The following RPH3AL variants were observed in gnomAD, a reference collection of about 807,000 sequenced individuals.
RPH3AL encodes rab effector Noc2.
A neutral mutation model predicts 43.1 loss-of-function variants in RPH3AL; 38 were observed. The observed-to-expected ratio is 0.88, with a 90% CI of 0.68 to 1.15. The LOEUF is 1.15. RPH3AL is among the 50% of genes most tolerant of loss of function. RPH3AL has a pLI of 0.00. For synonymous variants in RPH3AL, 189 were observed against 176.3 expected, an observed-to-expected ratio of 1.07 and a Z score of -0.57; for missense variants, 462 against 423.2, an observed-to-expected ratio of 1.09 and a Z score of -0.81.
intron 5 of RPH3AL, among the ~76,000 whole-genome samples, chr17:307,378 C>T (rs565710824): frequency 4.4e-4 from 67 of 150,568 alleles, no homozygotes; most frequent in Non-Finnish European, 8.3e-4. Context: ...AGGTCCATCC[C>T]ACGGCAGGTC....
At chr17:232,835 T>C (rs1238137770) in intron 7 of RPH3AL, among the ~76,000 whole-genome samples, 2 of 10,576 alleles carry the variant, frequency 1.9e-4, no homozygotes, top group African/African-American at 7.0e-4. Flanking sequence ...CCGGCGTGTG[T>C]GTGTGTGTGT....
At chr17:315,909 A>C (rs1185732148) in intron 5 of RPH3AL, among the ~76,000 whole-genome samples, 15 of 135,202 alleles carry the variant, frequency 1.1e-4, no homozygotes, top group African/African-American at 4.4e-4. Flanking sequence ...CTCCACCTCC[A>C]CTGATGTGTA....
In RPH3AL at chr17:213,624, CG is replaced by C. The variant is rs2040722153; in HGVS notation, c.*227del. On this transcript the variant is annotated 3_prime_UTR_variant, in exon 10 of 10. Transcript: ENST00000331302. ...GGGAGGGGAGGGTAATAAATAAGGT[CG>C]GGGGCTGAGGGCAGTGGTTGGAGGG... The C allele has an allele frequency of 1.7e-6, 1 of 591,288 alleles. No homozygotes were observed. 36.6% of individuals were successfully genotyped at this position (591,288 alleles called of 1,614,324 possible). A position where few individuals can be genotyped will look rare whatever the true frequency, so the allele number is the denominator to read the frequency against.
chr17:263,775 G>A (rs555839893), intron 6 of RPH3AL, among the ~76,000 whole-genome samples: 20 of 152,296 alleles, frequency 1.3e-4, no homozygotes, highest in Admixed American at 3.9e-4. Context: ...GTGAAGTTAC[G>A]GTTAGTTTGA....
chr17:307,398 G>C (rs2043528602), intron 5 of RPH3AL, among the ~76,000 whole-genome samples: 1 of 148,742 alleles, frequency 6.7e-6, no homozygotes, highest in South Asian at 2.2e-4. Flanking sequence ...CCATCCCGCG[G>C]CAGGTCCTCC....
chr17:305,716 T>C lies in RPH3AL; in HGVS notation c.351+13704A>G, dbSNP rs145692742. Among the ~76,000 whole-genome samples, 1,203 of 152,024 alleles carry C rather than the reference T, an allele frequency of 7.9e-3. 8 individuals carry two copies. The highest frequency in any genetic ancestry group is 0.013 in the Non-Finnish European group (909 of 67,954). The stretch of plus-strand genomic sequence containing the variant: ...CACGCCCACACCTGGTGGGCTCCTC[T>C]CCTCAACCTGGGCCCACATTCTCTC... On this transcript the variant is annotated intron_variant, in intron 5 of 9. Coordinates refer to ENST00000331302, the MANE Select transcript of RPH3AL (RefSeq NM_006987.4).
chr17:295,089 G>A (rs35351475), intron 5 of RPH3AL, among the ~76,000 whole-genome samples: 593 of 125,152 alleles, frequency 4.7e-3, no homozygotes, highest in Middle Eastern at 8.5e-3. Context: ...GAAGGACAGA[G>A]GAGCTGCAGA....
intron 5 of RPH3AL, among the ~76,000 whole-genome samples, chr17:300,838 C>A (rs1355851213): frequency 1.0e-4 from 14 of 137,758 alleles, no homozygotes; most frequent in African/African-American, 4.0e-4. Flanking sequence ...AGGGGCTGGC[C>A]CAGCCTAGGC....
chr17:325,841 G>A (rs187115350), intron 3 of RPH3AL, among the ~76,000 whole-genome samples: 4 of 152,270 alleles, frequency 2.6e-5, no homozygotes, highest in East Asian at 3.9e-4. Context: ...TATCCCTGAG[G>A]GTCCCACGGG....
chr17:314,199 C>A (rs1202746335), intron 5 of RPH3AL, among the ~76,000 whole-genome samples: 1 of 152,294 alleles, frequency 6.6e-6, no homozygotes, highest in East Asian at 1.9e-4. Context: ...GGAAGTGGGC[C>A]AGGATCTGTG....
intron 8 of RPH3AL, among the ~76,000 whole-genome samples, chr17:219,272 C>A (rs1216749125): frequency 2.4e-5 from 3 of 124,532 alleles, no homozygotes; most frequent in African/African-American, 9.6e-5. Flanking sequence ...AATCTGGGCT[C>A]ACATCAACCT....
intron 6 of RPH3AL, among the ~76,000 whole-genome samples, chr17:248,005 C>T (rs1179225204): frequency 6.6e-6 from 1 of 151,922 alleles, no homozygotes; most frequent in Non-Finnish European, 1.5e-5. Context: ...CCTGCAGGCA[C>T]CTCACCCAGC....
At chr17:297,439 G>C (rs1384294786) in intron 5 of RPH3AL, among the ~76,000 whole-genome samples, 1 of 152,204 alleles carries the variant, frequency 6.6e-6, no homozygotes, top group Non-Finnish European at 1.5e-5. Flanking sequence ...ACTGGCATCT[G>C]AGGCGGGGGA....
At chr17:317,153 C>T in intron 5 of RPH3AL, among the ~76,000 whole-genome samples, 1 of 151,354 alleles carries the variant, frequency 6.6e-6, no homozygotes, top group South Asian at 2.1e-4. Context: ...TGCCCCACCT[C>T]CATTGACCTT....
chr17:326,255 T>C (rs1033714383), intron 3 of RPH3AL, among the ~76,000 whole-genome samples: 2 of 152,248 alleles, frequency 1.3e-5, no homozygotes, highest in Admixed American at 6.5e-5. Flanking sequence ...AAATCACGCA[T>C]GACTCCGCTC....
At chr17:326,209 C>T (rs1209081189) in intron 3 of RPH3AL, among the ~76,000 whole-genome samples, 7 of 152,258 alleles carry the variant, frequency 4.6e-5, no homozygotes, top group Admixed American at 4.6e-4. Context: ...GCCCTCCTGG[C>T]GAAGGGGACC....
intron 5 of RPH3AL, among the ~76,000 whole-genome samples, chr17:282,476 T>A (rs888765332): frequency 3.3e-5 from 5 of 152,110 alleles, no homozygotes; most frequent in Non-Finnish European, 5.9e-5. Flanking sequence ...GTTTATCATG[T>A]TCTCTGGACG....
chr17:221,341 T>C (rs1243650645), intron 7 of RPH3AL, among the ~76,000 whole-genome samples: 2 of 137,832 alleles, frequency 1.5e-5, no homozygotes, highest in Admixed American at 7.2e-5. Flanking sequence ...GGTGAGACAA[T>C]AGACCCAAGC....
At chr17:336,076 A>G (rs1747596746) in intron 1 of RPH3AL, 1 of 13,854 alleles carries the variant, frequency 7.2e-5, no homozygotes, top group Admixed American at 8.3e-4. Context: ...TGGGACAAAC[A>G]TAAAAGAATA....
Sources: allele counts gnomAD v4.1 joint callset (sites outside exome capture counted in the v4.1 genomes callset), GRCh38; gene constraint gnomAD v4.1.1; transcripts MANE v1.5; gene names NCBI Gene and HGNC (gene_info 2026-07-23, HGNC 2026-07-21).